The following TANC2 variants were observed in gnomAD, a reference collection of about 807,000 sequenced individuals.
The protein encoded by TANC2 is protein TANC2.
Under a neutral mutation model 210.5 loss-of-function variants are expected in TANC2, and 26 were observed. That is an observed-to-expected ratio of 0.12 (90% CI 0.09 to 0.17). The LOEUF is 0.17. Ranked by LOEUF, TANC2 falls within the 10% of genes least tolerant of loss-of-function variation. The pLI is 1.00. For synonymous variants in TANC2, 931 were observed against 967.1 expected (o/e 0.96, Z 0.69); for missense variants, 2,129 against 2,608.9 (o/e 0.82, Z 4.01).
rs1598218055 is a variant in TANC2 at position 62,999,314 on chromosome 17, TG to T, written c.-23-10222del. On this transcript the variant is annotated intron_variant, in intron 1 of 27. Transcript: ENST00000689528. ...CCTCCCCAGAAGCAGGTGGTGGAGC[TG>T]TGCTTCCTGTACAGCCTGCAGAACT... Among the ~76,000 whole-genome samples, 11 of 152,354 alleles carry T rather than the reference TG, an allele frequency of 7.2e-5. No homozygotes were observed. In the East Asian group the frequency reaches 2.1e-3, roughly 29 times the overall value.
chr17:63,026,464 T>G (rs1453173352), intron 2 of TANC2, among the ~76,000 whole-genome samples: 8 of 152,096 alleles, frequency 5.3e-5, no homozygotes, highest in Admixed American at 3.9e-4. Context: ...GAAGTGACAG[T>G]AGGAATAAAG....
chr17:63,272,539 C>T (rs540586520), intron 9 of TANC2, among the ~76,000 whole-genome samples: 1 of 152,246 alleles, frequency 6.6e-6, no homozygotes, highest in South Asian at 2.1e-4. Flanking sequence ...TTACCAATTA[C>T]TTTTGGCAGT....
intron 14 of TANC2, among the ~76,000 whole-genome samples, chr17:63,357,368 A>C (rs73325754): frequency 0.021 from 3,219 of 152,310 alleles, 104 homozygotes; most frequent in African/African-American, 0.072. Context: ...TATCATGACT[A>C]TACAGGCTTT....
At chr17:63,104,815 T>C (rs1410547671) in intron 4 of TANC2, among the ~76,000 whole-genome samples, 1 of 147,944 alleles carries the variant, frequency 6.8e-6, no homozygotes, top group African/African-American at 2.7e-5. Context: ...CTTGAGACAG[T>C]ATAACAAAAT....
intron 5 of TANC2, among the ~76,000 whole-genome samples, chr17:63,186,708 T>G (rs1242504591): frequency 1.3e-5 from 2 of 152,206 alleles, no homozygotes; most frequent in African/African-American, 4.8e-5. Context: ...CATGTAAAAC[T>G]TATAATCCCT....
intron 2 of TANC2, among the ~76,000 whole-genome samples, chr17:63,063,931 G>A (rs982183842): frequency 1.3e-5 from 2 of 152,092 alleles, no homozygotes; most frequent in Non-Finnish European, 2.9e-5. Flanking sequence ...TTTAAAATAT[G>A]TGGGCTTTTA....
At chr17:63,206,089 C>T (rs566266155) in intron 7 of TANC2, among the ~76,000 whole-genome samples, 251 of 152,244 alleles carry the variant, frequency 1.6e-3, no homozygotes, top group African/African-American at 5.8e-3. Flanking sequence ...CCAATAGACA[C>T]ATGAAAAGAT....
At chr17:63,139,166 GT>G (rs1319428715) in intron 4 of TANC2, among the ~76,000 whole-genome samples, 1 of 152,114 alleles carries the variant, frequency 6.6e-6, no homozygotes, top group Admixed American at 6.5e-5. Context: ...GTTTATACTT[GT>G]TATCTCCCAA....
In TANC2 at chr17:63,074,873, CATAAA is replaced by C. The variant is rs2036518014; in HGVS notation, c.139+870_139+874del. ...TTGGTTTTCAAAGAATCTTTAATAGCATAAAATAAAATAAAGCTGAGATTTACAGA... is the reference window on the plus strand; with the variant it reads ...TTGGTTTTCAAAGAATCTTTAATAGCATAAAATAAAGCTGAGATTTACAGA... On this transcript the variant is annotated intron_variant, in intron 3 of 27. Coordinates refer to ENST00000689528, the Ensembl canonical transcript of TANC2. Among the ~76,000 whole-genome samples the C allele has an allele frequency of 2.0e-5, 3 of 152,050 alleles. No homozygotes were observed. The South Asian group carries it at 6.2e-4, about 31-fold the overall frequency.
intron 10 of TANC2, among the ~76,000 whole-genome samples, chr17:63,317,002 AAT>A (rs1453218667): frequency 6.6e-6 from 1 of 151,824 alleles, no homozygotes; most frequent in Non-Finnish European, 1.5e-5. Flanking sequence ...ATATAAACTT[AAT>A]ATGAGTTATC....
chr17:63,351,233 G>A lies in TANC2; in HGVS notation c.1808-17G>A. The stretch of plus-strand genomic sequence containing the variant: ...CCACTTGGTAATTATTAAGTAATGT[G>A]TTTCTTTCTATCTCAGAGAGAAAAA... On this transcript the variant is annotated splice_polypyrimidine_tract_variant and intron_variant, in intron 12 of 27. Transcript: ENST00000689528. 1 of 1,588,284 alleles carries A rather than the reference G, an allele frequency of 6.3e-7. No homozygotes were observed.
chr17:63,260,391 C>T (rs931254822), intron 8 of TANC2, among the ~76,000 whole-genome samples: 1 of 152,232 alleles, frequency 6.6e-6, no homozygotes, highest in African/African-American at 2.4e-5. Context: ...CATGAATAAG[C>T]AGGGTTCTGT....
intron 8 of TANC2, among the ~76,000 whole-genome samples, chr17:63,264,097 C>T (rs963632010): frequency 2.0e-5 from 3 of 152,194 alleles, no homozygotes; most frequent in African/African-American, 7.2e-5. Context: ...CTCCTTGGAC[C>T]AGTGGGCTAA....
chr17:62,993,006 C>T (rs1222405647), intron 1 of TANC2, among the ~76,000 whole-genome samples: 1 of 152,180 alleles, frequency 6.6e-6, no homozygotes, highest in Non-Finnish European at 1.5e-5. Flanking sequence ...AGGCCATCTG[C>T]GTTACTTGGC....
chr17:63,250,483 G>A (rs1449020158), intron 8 of TANC2, among the ~76,000 whole-genome samples: 4 of 151,966 alleles, frequency 2.6e-5, no homozygotes, highest in Non-Finnish European at 5.9e-5. Context: ...TATAAGGTAG[G>A]AACGTATGTG....
chr17:63,111,749 C>T (rs2038055534), intron 4 of TANC2, among the ~76,000 whole-genome samples: 1 of 151,952 alleles, frequency 6.6e-6, no homozygotes, highest in Non-Finnish European at 1.5e-5. Context: ...TTTTTTGAGA[C>T]TGTATCTCAC....
At chr17:63,401,926 A>ACCT (rs1297205177) in intron 19 of TANC2, among the ~76,000 whole-genome samples, 1 of 152,006 alleles carries the variant, frequency 6.6e-6, no homozygotes, top group African/African-American at 2.4e-5. Context: ...TATTGCAGCT[A>ACCT]CCTCCTAATT....
chr17:63,245,125 T>C (rs955794930), intron 8 of TANC2, among the ~76,000 whole-genome samples: 2 of 152,210 alleles, frequency 1.3e-5, no homozygotes, highest in Non-Finnish European at 1.5e-5. Context: ...ACCATAACTT[T>C]GCTGTTTATC....
chr17:63,356,779 C>G (rs535630804), intron 14 of TANC2, among the ~76,000 whole-genome samples: 1 of 152,270 alleles, frequency 6.6e-6, no homozygotes, highest in South Asian at 2.1e-4. Flanking sequence ...GTTTTCTTAT[C>G]TACATAAGAG....
Sources: gnomAD v4.1 joint callset for allele counts (sites outside exome capture counted in the v4.1 genomes callset) on GRCh38, gnomAD v4.1.1 for gene constraint, MANE v1.5 for transcripts, NCBI Gene and HGNC (gene_info 2026-07-23, HGNC 2026-07-21) for gene names.